Variants in GSTO2 observed in about 807,000 individuals in gnomAD.
The protein encoded by GSTO2 is glutathione S-transferase omega 2, also known as glutathione S-transferase omega-2.
In GSTO2, 23 loss-of-function variants were observed where a neutral mutation model predicts 28.4. The observed-to-expected ratio is 0.81, with a 90% CI of 0.58 to 1.15. GSTO2 has a LOEUF of 1.15. Among genes scored for constraint, GSTO2 ranks in the 50% most tolerant of loss-of-function variants. The pLI is 0.00. For synonymous variants in GSTO2, 109 were observed against 111.0 expected, an observed-to-expected ratio of 0.98 and a Z score of 0.11; for missense variants, 298 against 297.8, an observed-to-expected ratio of 1.00 and a Z score of 0.00.
intron 1 of GSTO2, among the ~76,000 whole-genome samples, chr10:104,274,032 C>G (rs2011520503): frequency 6.6e-6 from 1 of 152,194 alleles, no homozygotes; most frequent in Non-Finnish European, 1.5e-5. Flanking sequence ...CTCAGCTTAT[C>G]AGCATCAGAG....
intron 3 of GSTO2, 66 bp from the exon 4 acceptor site, chr10:104,277,828 A>G: frequency 1.8e-6 from 2 of 1,081,792 alleles, no homozygotes; most frequent in South Asian, 2.6e-5. Context: ...TCTGCTTTCA[A>G]GAAGAGTGCC....
chr10:104,277,944 C>A lies in GSTO2; in HGVS notation c.194C>A (p.Thr65Lys). ...NLRNKPEWYY[T>K]KHPFGHIPVL... ...AGAAACAAGCCTGAATGGTACTATACAAAGCACCCTTTTGGCCACATTCCT... is the reference window on the plus strand; with the variant it reads ...AGAAACAAGCCTGAATGGTACTATAAAAAGCACCCTTTTGGCCACATTCCT... Residue 65 changes from threonine to lysine, a missense_variant, in exon 4 of 7, where the codon ACA (threonine) becomes AAA (lysine). By Grantham distance (78) the Thr-to-Lys change is moderately conservative. Transcript: ENST00000338595. 1.2e-6 allele frequency: 2 copies of A among 1,614,006 alleles called. No individual in the cohort carries two copies. The highest frequency in any genetic ancestry group is 1.7e-6 in the Non-Finnish European group (2 of 1,179,916).
At position 104,299,116 on chromosome 10, in the gene GSTO2, C is replaced by A. The variant is rs2013174305; in HGVS notation, c.576-12C>A. On this transcript the variant is annotated splice_polypyrimidine_tract_variant and intron_variant, in intron 6 of 6. Transcript: ENST00000338595. ...CCCTGCACTGTGCTGACGCTTCTTT[C>A]CTGTCTTGCAGCTGTGTGAGCCACA... The A allele has an allele frequency of 6.2e-7, 1 of 1,610,910 alleles. No homozygotes were observed. Among genetic ancestry groups the A allele is most frequent in the South Asian group, 1.1e-5 (1 of 90,930 alleles).
At chr10:104,283,733 A>G (rs2012227879) in intron 5 of GSTO2, among the ~76,000 whole-genome samples, 1 of 152,236 alleles carries the variant, frequency 6.6e-6, no homozygotes, top group African/African-American at 2.4e-5. Context: ...ATGCCAAAAT[A>G]TTTATTCCAG....
intron 5 of GSTO2, chr10:104,296,361 A>T (rs2013022962): frequency 6.6e-6 from 1 of 152,078 alleles, no homozygotes; most frequent in South Asian, 2.1e-4. Context: ...AGTGGCTCAC[A>T]CCTGTATTTC....
chr10:104,286,474 A>C (rs944721887), intron 5 of GSTO2, among the ~76,000 whole-genome samples: 2 of 152,238 alleles, frequency 1.3e-5, no homozygotes, highest in South Asian at 4.1e-4. Context: ...GTTTATCCAC[A>C]TCTGGGAAGG....
intron 5 of GSTO2, among the ~76,000 whole-genome samples, chr10:104,287,887 C>CTTT (rs397760653): frequency 1.9e-4 from 22 of 116,230 alleles, no homozygotes; most frequent in African/African-American, 5.1e-4. Context: ...GAAAAAAACA[C>CTTT]TTTTTTTTTT....
In GSTO2 at chr10:104,275,084, C is replaced by T. The variant is rs1170653589; in HGVS notation, c.34+135C>T. 2.0e-6 allele frequency: 3 copies of T among 1,507,540 alleles called. No homozygotes were observed. The East Asian group carries it at 7.1e-5, about 36-fold the overall frequency. 93.4% of individuals were successfully genotyped at this position (1,507,540 alleles called of 1,614,324 possible). A position where few individuals can be genotyped will look rare whatever the true frequency, so the allele number is the denominator to read the frequency against. On this transcript the variant is annotated intron_variant, in intron 2 of 6. Coordinates refer to ENST00000338595, the MANE Select transcript of GSTO2 (RefSeq NM_183239.2). ...CTTGGAGGGCTCTCCTGAAGAAAAG[C>T]CACATGCAGCACTGCCCTCTCTGGG...
intron 5 of GSTO2, among the ~76,000 whole-genome samples, chr10:104,285,505 A>G (rs1181179593): frequency 2.0e-5 from 3 of 152,150 alleles, no homozygotes; most frequent in Non-Finnish European, 4.4e-5. Flanking sequence ...ATTGGAGTGC[A>G]GTGACACAAT....
At chr10:104,296,837 T>C (rs753211643) in intron 5 of GSTO2, 1 of 152,212 alleles carries the variant, frequency 6.6e-6, no homozygotes, top group Non-Finnish European at 1.5e-5. Context: ...TGGAGTGCAA[T>C]GGCACAATCT....
rs1430388187 is a variant in GSTO2 at position 104,304,294 on chromosome 10, T to G, written c.*5010T>G. The G allele has an allele frequency of 6.6e-6, 1 of 152,242 alleles. No individual in the cohort carries two copies. The highest frequency in any genetic ancestry group is 1.5e-5 in the Non-Finnish European group (1 of 68,044). The allele number at this position is 152,242 out of a possible 1,614,324, so 9.4% of individuals were successfully genotyped here. Reference sequence around the variant, plus strand: ...TTTCTCTCATCTGGCCTGTTAGCGCTCTTGAGCCTTTGAAAATGCCATTTC... The same window carrying G: ...TTTCTCTCATCTGGCCTGTTAGCGCGCTTGAGCCTTTGAAAATGCCATTTC... On this transcript the variant is annotated 3_prime_UTR_variant, in exon 7 of 7. Coordinates refer to ENST00000338595, the MANE Select transcript of GSTO2 (RefSeq NM_183239.2).
At chr10:104,271,012 C>A (rs932556826) in intron 1 of GSTO2, among the ~76,000 whole-genome samples, 1 of 152,208 alleles carries the variant, frequency 6.6e-6, no homozygotes, top group African/African-American at 2.4e-5. Flanking sequence ...ATATGGTCTA[C>A]TTACAATTTG....
At chr10:104,297,811 G>A (rs982098783) in intron 6 of GSTO2, 127 bp downstream of exon 6, 2 of 615,146 alleles carry the variant, frequency 3.3e-6, no homozygotes, top group Non-Finnish European at 5.9e-6. Flanking sequence ...TTTCTAAACC[G>A]CAGTGTGTGC....
Position 104,299,439 on chromosome 10 carries a change from C to A in GSTO2, c.*155C>A. On this transcript the variant is annotated 3_prime_UTR_variant, in exon 7 of 7. Transcript: ENST00000338595. ...ATGTATTCTTCTGATAATCATTTGT[C>A]TGACTCCTCTAGCCTGTAGCTGCTG... 1.2e-6 allele frequency: 1 copy of A among 855,660 alleles called. No individual in the cohort carries two copies. Among genetic ancestry groups the A allele is most frequent in the Non-Finnish European group, 1.8e-6 (1 of 550,686 alleles). The allele number at this position is 855,660 out of a possible 1,614,324, so 53.0% of individuals were successfully genotyped here. A position where few individuals can be genotyped will look rare whatever the true frequency, so the allele number is the denominator to read the frequency against.
intron 1 of GSTO2, among the ~76,000 whole-genome samples, chr10:104,271,695 T>C (rs1589852830): frequency 6.6e-6 from 1 of 152,270 alleles, no homozygotes; most frequent in Non-Finnish European, 1.5e-5. Flanking sequence ...ATTTCAGAAC[T>C]TGATTTCCCA....
chr10:104,297,932 C>A (rs539382375), intron 6 of GSTO2, among the ~76,000 whole-genome samples: 20 of 152,308 alleles, frequency 1.3e-4, no homozygotes, highest in African/African-American at 4.8e-4. Flanking sequence ...GACTTCAGAG[C>A]CTGCTGTCCT....
intron 5 of GSTO2, among the ~76,000 whole-genome samples, chr10:104,293,563 A>ATTTTTTTTATTTTTTTTTTTTTTTTTTTT (rs2012878158): frequency 1.2e-5 from 1 of 81,652 alleles, no homozygotes; most frequent in African/African-American, 6.2e-5. Flanking sequence ...CGCCTGGCCA[A>ATTTTTTTTATTTTTTTTTTTTTTTTTTTT]TTTTTTTTTT....
chr10:104,271,071 CAT>C (rs2011380422), intron 1 of GSTO2, among the ~76,000 whole-genome samples: 1 of 152,136 alleles, frequency 6.6e-6, no homozygotes, highest in Non-Finnish European at 1.5e-5. Flanking sequence ...CATGAAATAA[CAT>C]AGAAGGAAAG....
rs1243320266 is a variant in GSTO2 at position 104,303,689 on chromosome 10, G to T, written c.*4405G>T. ...CAGAAATTTGCATAAGTAAAAAGGA[G>T]CCAAGTGCTAATGGCCAAGAAAATG... On this transcript the variant is annotated 3_prime_UTR_variant, in exon 7 of 7. Coordinates refer to ENST00000338595, the MANE Select transcript of GSTO2 (RefSeq NM_183239.2). 6.6e-6 allele frequency: 1 copy of T among 152,198 alleles called. No individual in the cohort carries two copies. The highest frequency in any genetic ancestry group is 1.5e-5 in the Non-Finnish European group (1 of 68,042). 9.4% of individuals were successfully genotyped at this position (152,198 alleles called of 1,614,324 possible). A position where few individuals can be genotyped will look rare whatever the true frequency, so the allele number is the denominator to read the frequency against.
Sources: allele counts gnomAD v4.1 joint callset (sites outside exome capture counted in the v4.1 genomes callset), GRCh38; gene constraint gnomAD v4.1.1; transcripts MANE v1.5; gene names NCBI Gene and HGNC (gene_info 2026-07-23, HGNC 2026-07-21).